Variants in CA10 observed in about 807,000 individuals in gnomAD.
CA10 encodes the protein carbonic anhydrase 10 (inactive), also known as carbonic anhydrase-related protein 10.
A neutral mutation model predicts 44.2 loss-of-function variants in CA10; 14 were observed. The observed-to-expected ratio is 0.32, with a 90% CI of 0.21 to 0.50. CA10 has a LOEUF of 0.50. Among genes scored for constraint, CA10 ranks in the 20% least tolerant of loss-of-function variants. CA10 has a pLI of 0.99. For missense variants in CA10, 350 were observed against 409.7 expected (o/e 0.85, Z 1.26); for synonymous variants, 159 against 141.6 (o/e 1.12, Z -0.87).
chr17:52,028,906 A>G (rs1357883724), intron 2 of CA10, among the ~76,000 whole-genome samples: 2 of 152,206 alleles, frequency 1.3e-5, no homozygotes, highest in African/African-American at 2.4e-5. Flanking sequence ...CTTTTCCCAC[A>G]TAGCTTACGC....
chr17:51,901,543 C>A (rs1981316700), intron 3 of CA10, among the ~76,000 whole-genome samples: 1 of 152,186 alleles, frequency 6.6e-6, no homozygotes, highest in South Asian at 2.1e-4. Flanking sequence ...AAGAAAGGTA[C>A]CAGTGGGAGT....
At chr17:51,931,785 T>C (rs1175529142) in intron 2 of CA10, among the ~76,000 whole-genome samples, 1 of 152,146 alleles carries the variant, frequency 6.6e-6, no homozygotes, top group Admixed American at 6.6e-5. Flanking sequence ...TGAGCACAAA[T>C]ACCCAAAGGA....
chr17:52,146,886 C>T (rs879736755), intron 1 of CA10, among the ~76,000 whole-genome samples: 11 of 152,004 alleles, frequency 7.2e-5, no homozygotes, highest in Admixed American at 5.9e-4. Flanking sequence ...CCCCATCAAC[C>T]TTGTGACTCC....
chr17:51,906,287 C>T (rs556921767), intron 3 of CA10, among the ~76,000 whole-genome samples: 12 of 152,174 alleles, frequency 7.9e-5, no homozygotes, highest in South Asian at 2.1e-4. Context: ...TTTTTCCCCC[C>T]GGTATTCCAC....
At chr17:51,858,913 G>T (rs974105811) in intron 3 of CA10, among the ~76,000 whole-genome samples, 1 of 151,982 alleles carries the variant, frequency 6.6e-6, no homozygotes, top group Non-Finnish European at 1.5e-5. Flanking sequence ...CCCTATGGGA[G>T]CAGGTCACTT....
At chr17:51,971,784 A>G (rs1198415622) in intron 2 of CA10, among the ~76,000 whole-genome samples, 1 of 152,026 alleles carries the variant, frequency 6.6e-6, no homozygotes, top group Non-Finnish European at 1.5e-5. Flanking sequence ...ACATAAAATA[A>G]AGATGCTAGA....
chr17:52,033,644 G>A lies in CA10; in HGVS notation c.136+38675C>T, dbSNP rs1165840949. On this transcript the variant is annotated intron_variant, in intron 2 of 8. Coordinates refer to ENST00000451037, the MANE Select transcript of CA10 (RefSeq NM_020178.5). ...TCAACAAACATATTAAGTGGAAAAA[G>A]AAAACAAGCTACAGAAAGATATGTT... Among the ~76,000 whole-genome samples, 3 of 152,040 alleles carry A rather than the reference G, an allele frequency of 2.0e-5. No homozygotes were observed. The South Asian group carries it at 6.2e-4, about 32-fold the overall frequency.
chr17:52,077,907 A>T (rs1987859303), intron 1 of CA10, among the ~76,000 whole-genome samples: 1 of 152,204 alleles, frequency 6.6e-6, no homozygotes, highest in East Asian at 1.9e-4. Flanking sequence ...AAAGACCTGA[A>T]CAATATCTTG....
intron 1 of CA10, among the ~76,000 whole-genome samples, chr17:52,130,352 C>A (rs541010215): frequency 9.2e-5 from 14 of 152,158 alleles, no homozygotes; most frequent in Non-Finnish European, 2.1e-4. Context: ...TATCTACATT[C>A]TCATGTTTAC....
At chr17:51,833,784 G>T (rs960878939) in intron 3 of CA10, among the ~76,000 whole-genome samples, 2 of 152,086 alleles carry the variant, frequency 1.3e-5, no homozygotes, top group African/African-American at 4.8e-5. Flanking sequence ...GAATCAGCTG[G>T]GAGAAAATTA....
At chr17:51,858,674 C>T (rs1215104899) in intron 3 of CA10, among the ~76,000 whole-genome samples, 2 of 152,206 alleles carry the variant, frequency 1.3e-5, no homozygotes, top group African/African-American at 4.8e-5. Context: ...TATTAAAACA[C>T]TTGGCTCCTA....
At chr17:51,949,125 A>G (rs1372576161) in intron 2 of CA10, among the ~76,000 whole-genome samples, 1 of 152,194 alleles carries the variant, frequency 6.6e-6, no homozygotes, top group Non-Finnish European at 1.5e-5. Flanking sequence ...TAGCATAAGT[A>G]ATTGGGGCAG....
chr17:51,996,285 C>T (rs1382369280), intron 2 of CA10, among the ~76,000 whole-genome samples: 1 of 151,898 alleles, frequency 6.6e-6, no homozygotes, highest in Non-Finnish European at 1.5e-5. Context: ...ATACCCCTCT[C>T]CTCTTTCACC....
rs761413314 is a variant in CA10, at chr17:51,870,391, T to C, written c.279+60599A>G. Reference sequence around the variant, plus strand: ...AAGTGACTTGAGCAAATGATTTGTGTAAGCTAATGTGAACCTCCTATGGCT... The same window carrying C: ...AAGTGACTTGAGCAAATGATTTGTGCAAGCTAATGTGAACCTCCTATGGCT... On this transcript the variant is annotated intron_variant, in intron 3 of 8. Transcript: ENST00000451037. 2.0e-5 allele frequency among the ~76,000 whole-genome samples: 3 copies of C among 152,352 alleles called. No homozygotes were observed. In the East Asian group the frequency reaches 5.8e-4, roughly 29 times the overall value.
intron 3 of CA10, among the ~76,000 whole-genome samples, chr17:51,759,015 C>T (rs551496764): frequency 1.3e-3 from 200 of 152,246 alleles, no homozygotes; most frequent in African/African-American, 4.5e-3. Context: ...CCGTATGACC[C>T]CAGTTCAGTG....
chr17:51,850,667 G>T (rs1329893252), intron 3 of CA10, among the ~76,000 whole-genome samples: 1 of 152,194 alleles, frequency 6.6e-6, no homozygotes, highest in African/African-American at 2.4e-5. Flanking sequence ...AGCAGATATT[G>T]CACTGAAATA....
At position 52,158,303 on chromosome 17, in the gene CA10, C is replaced by T; in HGVS notation, c.-517G>A. On this transcript the variant is annotated 5_prime_UTR_variant, in exon 1 of 9. Coordinates refer to ENST00000451037, the MANE Select transcript of CA10 (RefSeq NM_020178.5). ...CAGGCAGTCCGCGGCAAGTTGCCCT[C>T]GAAGTCCGCCCCCCTCACCGGGGCA... 5.0e-6 allele frequency: 1 copy of T among 200,716 alleles called. No individual in the cohort carries two copies. Among genetic ancestry groups the T allele is most frequent in the South Asian group, 8.2e-5 (1 of 12,194 alleles). The allele number at this position is 200,716 out of a possible 1,614,324, so 12.4% of individuals were successfully genotyped here. A position where few individuals can be genotyped will look rare whatever the true frequency, so the allele number is the denominator to read the frequency against.
chr17:51,768,861 T>G (rs1416647593), intron 3 of CA10, among the ~76,000 whole-genome samples: 1 of 152,100 alleles, frequency 6.6e-6, no homozygotes, highest in East Asian at 1.9e-4. Flanking sequence ...GTCTCAAAAC[T>G]CAATTTTGAG....
At chr17:51,659,709 T>C (rs1382877440) in intron 4 of CA10, among the ~76,000 whole-genome samples, 1 of 152,160 alleles carries the variant, frequency 6.6e-6, no homozygotes, top group Non-Finnish European at 1.5e-5. Context: ...CAGAAACAAC[T>C]CATTTAATTC....
Sources: allele counts gnomAD v4.1 joint callset (sites outside exome capture counted in the v4.1 genomes callset), GRCh38; gene constraint gnomAD v4.1.1; transcripts MANE v1.5; gene names NCBI Gene and HGNC (gene_info 2026-07-23, HGNC 2026-07-21).